The following ZNF469 variants were observed in gnomAD, a reference collection of about 807,000 sequenced individuals.
ZNF469 encodes zinc finger protein 469.
In ZNF469, 1 loss-of-function variant was observed where a neutral mutation model predicts 1.0. The ratio of observed to expected loss-of-function variants is 1.00; its 90% CI spans 0.35 to 4.73. The LOEUF is 4.73. Among genes scored for constraint, ZNF469 ranks in the 30% most tolerant of loss-of-function variants. The pLI is 0.16. For missense variants in ZNF469, 6,100 were observed against 5,356.3 expected, an observed-to-expected ratio of 1.14 and a Z score of -4.33; for synonymous variants, 2,703 against 2,363.4, an observed-to-expected ratio of 1.14 and a Z score of -4.17.
chr16:88,116,980 C>T, the ZNF469 span, among the ~76,000 whole-genome samples: 1 of 138,506 alleles, frequency 7.2e-6, no homozygotes, highest in Admixed American at 7.0e-5. Context: ...CACACACACA[C>T]ACACACACAC....
Position 88,428,094 on chromosome 16 carries a change from G to T in ZNF469, c.624G>T (p.Pro208=). 6.5e-7 allele frequency: 1 copy of T among 1,549,766 alleles called. No individual in the cohort carries two copies. Among genetic ancestry groups the T allele is most frequent in the Non-Finnish European group, 8.7e-7 (1 of 1,146,758 alleles). ...SPSATPRPPA[P]GPPQSRGTSP... ...GCGCCACCCCCAGGCCCCCAGCCCC[G>T]GGGCCCCCCCAGAGCAGGGGCACCA... Residue 208 remains proline (P), a synonymous_variant, in exon 3 of 3, where the codon CCG becomes CCT. Transcript: ENST00000565624.
rs1906445391 is a variant in ZNF469, at chr16:88,434,707, A to G, written c.7237A>G (p.Ser2413Gly). 2 of 1,550,394 alleles carry G rather than the reference A, an allele frequency of 1.3e-6. No individual in the cohort carries two copies. Among genetic ancestry groups the G allele is most frequent in the Non-Finnish European group, 1.7e-6 (2 of 1,146,970 alleles). ...CTTGGGAAGAACCACAGCCCCAAGC[A>G]GCACAGCCAGTGACTTCCAGTCTGA... ...LGLGRTTAPSSTASDFQSDSP... is the reference protein window; with the variant it reads ...LGLGRTTAPSGTASDFQSDSP... Residue 2413 changes from serine to glycine, a missense_variant, in exon 3 of 3, where the codon AGC becomes GGC. By Grantham distance (56) the Ser-to-Gly change is moderately conservative. Transcript: ENST00000565624.
chr16:88,437,129 G>A lies in ZNF469; in HGVS notation c.9659G>A (p.Gly3220Asp). ...GGGGACCTGCCCGGAGGCCTGGAGGGCAGCAGCGCTGTCGCCCACCTTCTG... is the reference window on the plus strand; with the variant it reads ...GGGGACCTGCCCGGAGGCCTGGAGGACAGCAGCGCTGTCGCCCACCTTCTG... ...SLGDLPGGLEGSSAVAHLLNS... is the reference protein window; with the variant it reads ...SLGDLPGGLEDSSAVAHLLNS... Residue 3220 changes from glycine to aspartate, a missense_variant, in exon 3 of 3, where the codon GGC becomes GAC. Coordinates refer to ENST00000565624, the MANE Select transcript of ZNF469 (RefSeq NM_001367624.2). The A allele has an allele frequency of 6.5e-7, 1 of 1,548,506 alleles. No individual in the cohort carries two copies. Among genetic ancestry groups the A allele is most frequent in the Non-Finnish European group, 8.7e-7 (1 of 1,146,586 alleles).
the ZNF469 span, among the ~76,000 whole-genome samples, chr16:88,232,658 G>T: frequency 6.6e-6 from 1 of 152,234 alleles, no homozygotes; most frequent in Non-Finnish European, 1.5e-5. Flanking sequence ...GGGTCAGCCT[G>T]CGGCAAGAGG....
At chr16:88,135,271 G>A in the ZNF469 span, among the ~76,000 whole-genome samples, 2 of 152,260 alleles carry the variant, frequency 1.3e-5, no homozygotes, top group African/African-American at 4.8e-5. Context: ...AGTCTCCCCC[G>A]AGGAATCCTC....
At chr16:88,370,084 C>T in the ZNF469 span, among the ~76,000 whole-genome samples, 3 of 152,236 alleles carry the variant, frequency 2.0e-5, no homozygotes, top group Non-Finnish European at 4.4e-5. Context: ...GCCGGGATGT[C>T]GACGCAGCCT....
the ZNF469 span, among the ~76,000 whole-genome samples, chr16:88,374,877 C>T: frequency 6.6e-6 from 1 of 152,226 alleles, no homozygotes; most frequent in African/African-American, 2.4e-5. Context: ...CAGGCCCCAG[C>T]ACAGCTCACA....
Position 88,429,004 on chromosome 16 carries a change from G to A in ZNF469, c.1534G>A (p.Glu512Lys), listed in dbSNP as rs953454298. The A allele has an allele frequency of 5.2e-6, 8 of 1,549,534 alleles. No individual in the cohort carries two copies. In the Admixed American group the frequency reaches 7.8e-5, roughly 15 times the overall value. Residue 512 changes from glutamate to lysine, a missense_variant, in exon 3 of 3, where the codon GAG (glutamate) becomes AAG (lysine). Physicochemically the swap from Glu to Lys is moderately conservative, Grantham distance 56. Coordinates refer to ENST00000565624, the MANE Select transcript of ZNF469 (RefSeq NM_001367624.2). The part of the protein sequence containing the change: ...SRLPFPAGGP[E>K]WQGGSQGALG... Reference sequence around the variant, plus strand: ...GCTGCCTTTCCCCGCGGGGGGCCCCGAGTGGCAGGGGGGCAGCCAAGGAGC... The same window carrying A: ...GCTGCCTTTCCCCGCGGGGGGCCCCAAGTGGCAGGGGGGCAGCCAAGGAGC...
At chr16:88,144,362 G>A in the ZNF469 span, among the ~76,000 whole-genome samples, 118 of 152,302 alleles carry the variant, frequency 7.7e-4, no homozygotes, top group Non-Finnish European at 1.5e-3. Flanking sequence ...TCTGCCTGGC[G>A]TCAACGTAGC....
At chr16:88,292,625 C>A in the ZNF469 span, among the ~76,000 whole-genome samples, 1 of 151,812 alleles carries the variant, frequency 6.6e-6, no homozygotes, top group African/African-American at 2.4e-5. Flanking sequence ...CTGGAATCTT[C>A]TGGGGTGATG....
the ZNF469 span, among the ~76,000 whole-genome samples, chr16:88,108,105 G>A: frequency 7.1e-6 from 1 of 140,192 alleles, no homozygotes; most frequent in African/African-American, 2.7e-5. Context: ...TTGCACGTCT[G>A]TGGGGATGTG....
the ZNF469 span, among the ~76,000 whole-genome samples, chr16:88,289,919 A>G: frequency 2.6e-5 from 4 of 152,342 alleles, no homozygotes; most frequent in South Asian, 4.1e-4. Context: ...TCACGGGCCA[A>G]GAAGACTCAG....
chr16:88,431,401 C>T lies in ZNF469; in HGVS notation c.3931C>T (p.Pro1311Ser), dbSNP rs187453092. 1.1e-4 allele frequency: 166 copies of T among 1,550,250 alleles called. No homozygotes were observed. Among genetic ancestry groups the T allele is most frequent in the Middle Eastern group, 1.0e-3 (6 of 5,992 alleles). ...LLGGPGGTQA[P>S]VSHNSKDPPA... is the part of the protein sequence containing the mutation. ...GGGTGGTCCTGGGGGCACACAGGCC[C>T]CAGTCTCCCACAACAGCAAGGACCC... Residue 1311 changes from proline to serine, a missense_variant, in exon 3 of 3, where the codon CCA (proline) becomes TCA (serine). Pro to Ser is a moderately conservative substitution (Grantham distance 74). Transcript: ENST00000565624.
At chr16:88,277,223 T>C in the ZNF469 span, among the ~76,000 whole-genome samples, 2,477 of 140,416 alleles carry the variant, frequency 0.018, 152 homozygotes, top group East Asian at 0.12. Flanking sequence ...GTTAGTGCTG[T>C]GCCACACCGA....
At chr16:88,294,201 CTG>C in the ZNF469 span, among the ~76,000 whole-genome samples, 1 of 152,362 alleles carries the variant, frequency 6.6e-6, no homozygotes, top group East Asian at 1.9e-4. Flanking sequence ...TCAGCTGAAA[CTG>C]TCTTTAGACC....
chr16:88,430,331 TC>T lies in ZNF469; in HGVS notation c.2863del (p.Arg955GlyfsTer24). ...QQRRGKQLKL[F>X]RKDLDSGGAA... ...AGGAGGGGGAAGCAGTTGAAGCTGT[TC>T]CGGAAGGATCTGGACTCGGGCGGCG... On this transcript the variant is annotated frameshift_variant, in exon 3 of 3. Transcript: ENST00000565624. LOFTEE classifies it low-confidence loss of function (END_TRUNC). 1.3e-6 allele frequency: 2 copies of T among 1,514,440 alleles called. No individual in the cohort carries two copies. Among genetic ancestry groups the T allele is most frequent in the Non-Finnish European group, 1.8e-6 (2 of 1,135,324 alleles). 93.8% of individuals were successfully genotyped at this position (1,514,440 alleles called of 1,614,324 possible). A position where few individuals can be genotyped will look rare whatever the true frequency, so the allele number is the denominator to read the frequency against.
At chr16:88,351,260 C>T in the ZNF469 span, among the ~76,000 whole-genome samples, 2 of 152,228 alleles carry the variant, frequency 1.3e-5, no homozygotes, top group African/African-American at 4.8e-5. Context: ...TGCCCAGCTG[C>T]GGGTCACTGG....
chr16:88,396,644 G>T (rs1256015713), intron 1 of ZNF469, among the ~76,000 whole-genome samples: 1 of 145,848 alleles, frequency 6.9e-6, no homozygotes, highest in Middle Eastern at 3.4e-3. Flanking sequence ...CCTGAAGGGA[G>T]GCCGGGCGGA....
the ZNF469 span, among the ~76,000 whole-genome samples, chr16:88,311,656 C>G: frequency 5.3e-5 from 8 of 152,326 alleles, no homozygotes; most frequent in Middle Eastern, 3.4e-3. Flanking sequence ...GGTTTCAGGG[C>G]TGTCCCTGCA....
Sources: allele counts gnomAD v4.1 joint callset (sites outside exome capture counted in the v4.1 genomes callset), GRCh38; gene constraint gnomAD v4.1.1; transcripts MANE v1.5; gene names NCBI Gene and HGNC (gene_info 2026-07-23, HGNC 2026-07-21).